The following TMBIM4 variants were observed in gnomAD, a reference collection of about 807,000 sequenced individuals.
TMBIM4 encodes the protein transmembrane BAX inhibitor motif containing 4.
TMBIM4 carries 28 observed loss-of-function variants against 27.7 expected under a neutral mutation model. That is an observed-to-expected ratio of 1.01 (90% CI 0.75 to 1.38). The LOEUF (loss-of-function observed/expected upper bound fraction) is 1.38, where lower values mean the gene tolerates loss of function less well. Among genes scored for constraint, TMBIM4 ranks in the 40% most tolerant of loss-of-function variants. The pLI is 0.00. For missense variants in TMBIM4, 265 were observed against 277.5 expected, an observed-to-expected ratio of 0.95 and a Z score of 0.32; for synonymous variants, 115 against 113.1, an observed-to-expected ratio of 1.02 and a Z score of -0.11.
chr12:66,168,650 ACT>A (rs1254994327), intron 1 of TMBIM4: 1 of 151,892 alleles, frequency 6.6e-6, no homozygotes, highest in East Asian at 1.9e-4. Context: ...TAACCAATCA[ACT>A]CTTTCTGTAC....
At chr12:66,149,882 A>T (rs1301631829) in intron 3 of TMBIM4, among the ~76,000 whole-genome samples, 2 of 108,560 alleles carry the variant, frequency 1.8e-5, no homozygotes, top group Non-Finnish European at 3.7e-5. Flanking sequence ...GTCTATGTGC[A>T]TGCATACACA....
At chr12:66,146,024 C>T in intron 4 of TMBIM4, 66 bp from the exon 5 acceptor site, 2 of 776,372 alleles carry the variant, frequency 2.6e-6, no homozygotes, top group Middle Eastern at 3.8e-4. Context: ...CTTTTTCTGG[C>T]ATTTTATAGA....
chr12:66,136,233 A>G lies in TMBIM4; in HGVS notation c.*1727T>C, dbSNP rs891370626. On this transcript the variant is annotated 3_prime_UTR_variant, in exon 7 of 7. Transcript: ENST00000358230. ...ATTATGAAGATGAGGCAGAAGACCT[A>G]AGGAAGGATAAATAATTCGCCAAAT... 6.6e-6 allele frequency: 1 copy of G among 152,184 alleles called. No homozygotes were observed. The highest frequency in any genetic ancestry group is 1.5e-5 in the Non-Finnish European group (1 of 68,044). The allele number at this position is 152,184 out of a possible 1,614,324, so 9.4% of individuals were successfully genotyped here. A position where few individuals can be genotyped will look rare whatever the true frequency, so the allele number is the denominator to read the frequency against.
At chr12:66,145,398 G>A (rs2051735007) in intron 5 of TMBIM4, 1 of 152,546 alleles carries the variant, frequency 6.6e-6, no homozygotes, top group South Asian at 2.0e-4. Context: ...ATTTGTTTGA[G>A]GAAGGATACA....
At chr12:66,158,227 C>CAAAAAAA (rs397947155) in intron 1 of TMBIM4, among the ~76,000 whole-genome samples, 1 of 112,452 alleles carries the variant, frequency 8.9e-6, no homozygotes, top group Non-Finnish European at 1.8e-5. Flanking sequence ...CTCCGTCTCA[C>CAAAAAAA]AAAAAAAAAA....
intron 5 of TMBIM4, 68 bp downstream of exon 5, chr12:66,145,773 A>C: frequency 1.1e-6 from 1 of 923,098 alleles, no homozygotes; most frequent in South Asian, 1.5e-5. Flanking sequence ...AGTGTAGCAC[A>C]TTCCTCAAAA....
intron 5 of TMBIM4, among the ~76,000 whole-genome samples, chr12:66,142,829 G>A (rs553454431): frequency 6.6e-6 from 1 of 152,216 alleles, no homozygotes; most frequent in African/African-American, 2.4e-5. Context: ...ATTAGGATAG[G>A]GCTGCCAGAG....
chr12:66,169,639 C>T (rs2052200484), intron 1 of TMBIM4: 1 of 456,488 alleles, frequency 2.2e-6, no homozygotes, highest in Non-Finnish European at 3.8e-6. Context: ...GGCCTGGCGC[C>T]CTCCCACACC....
chr12:66,138,924 C>A, intron 5 of TMBIM4, 155 bp from the exon 6 acceptor site: 1 of 1,087,942 alleles, frequency 9.2e-7, no homozygotes, highest in Admixed American at 4.2e-5. Context: ...GAATATAATG[C>A]CCATCTTGGA....
In TMBIM4 at chr12:66,160,292, A is replaced by G. The variant is rs1189356444; in HGVS notation, c.98-6844T>C. 7 of 702,114 alleles carry G rather than the reference A, an allele frequency of 1.0e-5. 1 individual carries two copies. The East Asian group carries it at 1.6e-4, about 16-fold the overall frequency. 43.5% of individuals were successfully genotyped at this position (702,114 alleles called of 1,614,324 possible). On this transcript the variant is annotated intron_variant, in intron 1 of 6. Coordinates refer to ENST00000358230, the MANE Select transcript of TMBIM4 (RefSeq NM_016056.4). Reference sequence around the variant, plus strand: ...TCATATATTGTTTGCTGAAGGTACAATCTCTCTGGAGAACTGATTAAATCA... The same window carrying G: ...TCATATATTGTTTGCTGAAGGTACAGTCTCTCTGGAGAACTGATTAAATCA...
At chr12:66,169,090 T>A (rs1355257728) in intron 1 of TMBIM4, 2 of 527,986 alleles carry the variant, frequency 3.8e-6, no homozygotes, top group Non-Finnish European at 6.7e-6. Flanking sequence ...TCTTAGCACA[T>A]CAGAACTATC....
chr12:66,168,942 T>A lies in TMBIM4; in HGVS notation c.97+913A>T, dbSNP rs537146790. ...GTATTTTACCACAATTAATTTTTTT[T>A]AAAAAAAAGCTGAGTTCACTGGCCA... On this transcript the variant is annotated intron_variant, in intron 1 of 6. Coordinates refer to ENST00000358230, the MANE Select transcript of TMBIM4 (RefSeq NM_016056.4). 234 of 202,734 alleles carry A rather than the reference T, an allele frequency of 1.2e-3. 1 individual carries two copies. The highest frequency in any genetic ancestry group is 4.1e-3 in the African/African-American group (172 of 42,338). The allele number at this position is 202,734 out of a possible 1,614,324, so 12.6% of individuals were successfully genotyped here.
rs994797180 is a variant in TMBIM4, at chr12:66,146,038, G to T, written c.347-80C>A. On this transcript the variant is annotated intron_variant, in intron 4 of 6. Transcript: ENST00000358230. Reference sequence around the variant, plus strand: ...GCTTTTTCTGGCATTTTATAGAAATGCTTCATTTTCTCCTGTACTTTATGC... The same window carrying T: ...GCTTTTTCTGGCATTTTATAGAAATTCTTCATTTTCTCCTGTACTTTATGC... 25 of 687,100 alleles carry T rather than the reference G, an allele frequency of 3.6e-5. No individual in the cohort carries two copies. In the African/African-American group the frequency reaches 3.8e-4, roughly 10 times the overall value. The allele number at this position is 687,100 out of a possible 1,614,324, so 42.6% of individuals were successfully genotyped here.
intron 5 of TMBIM4, among the ~76,000 whole-genome samples, chr12:66,140,447 T>G (rs1370388495): frequency 1.3e-5 from 2 of 150,994 alleles, no homozygotes; most frequent in East Asian, 3.9e-4. Flanking sequence ...CCAAAATGAA[T>G]CGCAGAGAGA....
At chr12:66,145,787 C>T (rs1354616706) in intron 5 of TMBIM4, 54 bp downstream of exon 5, 1 of 1,045,172 alleles carries the variant, frequency 9.6e-7, no homozygotes, top group Non-Finnish European at 1.4e-6. Flanking sequence ...CTCAAAACCA[C>T]CTATAATAAT....
intron 5 of TMBIM4, among the ~76,000 whole-genome samples, chr12:66,139,958 T>G (rs931395771): frequency 1.3e-5 from 2 of 152,146 alleles, no homozygotes; most frequent in East Asian, 3.8e-4. Flanking sequence ...AGCTAAAAGC[T>G]GTTCTGGACC....
intron 1 of TMBIM4, chr12:66,169,067 T>A (rs1231776653): frequency 2.4e-6 from 1 of 422,700 alleles, no homozygotes; most frequent in Non-Finnish European, 4.2e-6. Context: ...GAACAAGTTC[T>A]AGGCACTAAG....
At chr12:66,155,559 T>G (rs2051922341) in intron 1 of TMBIM4, among the ~76,000 whole-genome samples, 1 of 152,142 alleles carries the variant, frequency 6.6e-6, no homozygotes, top group Admixed American at 6.6e-5. Context: ...CTTGAACCCC[T>G]GGGCTCAAGT....
At chr12:66,167,020 G>A (rs1437824281) in intron 1 of TMBIM4, among the ~76,000 whole-genome samples, 1 of 152,178 alleles carries the variant, frequency 6.6e-6, no homozygotes, top group African/African-American at 2.4e-5. Flanking sequence ...TATTATAAGT[G>A]AAAAAGGCCA....
Sources: allele counts gnomAD v4.1 joint callset (sites outside exome capture counted in the v4.1 genomes callset), GRCh38; gene constraint gnomAD v4.1.1; transcripts MANE v1.5; gene names NCBI Gene and HGNC (gene_info 2026-07-23, HGNC 2026-07-21).